The following MFAP3L variants were observed in gnomAD, a reference collection of about 807,000 sequenced individuals.
The protein encoded by MFAP3L is microfibril associated protein 3 like.
In MFAP3L, 5 loss-of-function variants were observed where a neutral mutation model predicts 20.0. The ratio of observed to expected loss-of-function variants is 0.25; its 90% CI spans 0.13 to 0.53. The LOEUF (loss-of-function observed/expected upper bound fraction) is 0.53, where lower values mean the gene tolerates loss of function less well. Ranked by LOEUF, MFAP3L falls within the 20% of genes least tolerant of loss-of-function variation. The pLI, the probability that MFAP3L is intolerant of heterozygous loss-of-function variation, is 0.96. For missense variants in MFAP3L, 409 were observed against 527.5 expected, an observed-to-expected ratio of 0.78 and a Z score of 2.20; for synonymous variants, 219 against 213.0, an observed-to-expected ratio of 1.03 and a Z score of -0.25.
chr4:169,996,785 G>A (rs922725861), intron 2 of MFAP3L, among the ~76,000 whole-genome samples: 9 of 152,140 alleles, frequency 5.9e-5, no homozygotes, highest in African/African-American at 2.2e-4. Flanking sequence ...AGCCCCGCCT[G>A]CTTCACGACC....
In MFAP3L at chr4:170,005,857, A is replaced by G. The variant is rs776214952; in HGVS notation, c.21T>C (p.His7=). 1.2e-6 allele frequency: 2 copies of G among 1,613,824 alleles called. No individual in the cohort carries two copies. Among genetic ancestry groups the G allele is most frequent in the Admixed American group, 1.7e-5 (1 of 60,018 alleles). The change falls in exon 2 of 3, where the codon CAT becomes CAC. Residue 7 remains histidine (H), a synonymous_variant. Coordinates refer to ENST00000361618, the MANE Select transcript of MFAP3L (RefSeq NM_021647.8). MDRLKS[H]LTVCFLPSVP... is the part of the protein sequence containing the mutation. ...CAGAAGGTAGAAAGCACACAGTCAG[A>G]TGGCTCTTCAATCGATCCATCTTCT...
chr4:169,991,486 T>C lies in MFAP3L; in HGVS notation c.1122A>G (p.Thr374=). ...TSTELTSEEP[T]PVEVPDKVLP... ...GTACCTTATCTGGTACCTCAACAGGTGTTGGCTCTTCAGATGTTAGCTCGG... is the reference window on the plus strand; with the variant it reads ...GTACCTTATCTGGTACCTCAACAGGCGTTGGCTCTTCAGATGTTAGCTCGG... The change falls in exon 3 of 3, where the codon ACA becomes ACG. Residue 374 remains threonine, a synonymous_variant. Transcript: ENST00000361618. This position sits in a 1 kb window ranked among gnomAD's most constrained non-coding sequence, Gnocchi z 4.9. 6.2e-7 allele frequency: 1 copy of C among 1,614,074 alleles called. No homozygotes were observed. The highest frequency in any genetic ancestry group is 8.5e-7 in the Non-Finnish European group (1 of 1,180,010).
intron 2 of MFAP3L, among the ~76,000 whole-genome samples, chr4:169,999,356 C>A (rs1738448224): frequency 6.6e-6 from 1 of 152,188 alleles, no homozygotes; most frequent in Admixed American, 6.5e-5. Context: ...TAGTTCTGTT[C>A]TACTTCAAGG....
chr4:170,007,158 G>C lies in MFAP3L; in HGVS notation c.-133-1148C>G, dbSNP rs191168524. Among the ~76,000 whole-genome samples, 159 of 152,126 alleles carry C rather than the reference G, an allele frequency of 1.0e-3. 1 individual carries two copies. Among genetic ancestry groups the C allele is most frequent in the Middle Eastern group, 0.01 (3 of 294 alleles). On this transcript the variant is annotated intron_variant, in intron 1 of 2. Coordinates refer to ENST00000361618, the MANE Select transcript of MFAP3L (RefSeq NM_021647.8). ...CTTCAGATCATATTTTTTTTCAGTAGGAAAGAAAAGAGTTTTGTTTTGCCA... is the reference window on the plus strand; with the variant it reads ...CTTCAGATCATATTTTTTTTCAGTACGAAAGAAAAGAGTTTTGTTTTGCCA...
At chr4:170,017,678 T>A (rs1298829406) in intron 1 of MFAP3L, among the ~76,000 whole-genome samples, 3 of 152,230 alleles carry the variant, frequency 2.0e-5, no homozygotes, top group Admixed American at 2.0e-4. Context: ...TTTTTCAGAA[T>A]TTTATTCCAT....
intron 2 of MFAP3L, chr4:170,002,328 A>G (rs568314447): frequency 3.6e-6 from 3 of 840,548 alleles, no homozygotes; most frequent in Non-Finnish European, 4.3e-6. Context: ...TCATCTGTAT[A>G]CATGAGGATT....
intron 1 of MFAP3L, among the ~76,000 whole-genome samples, chr4:170,014,002 T>A (rs959351950): frequency 6.6e-6 from 1 of 152,132 alleles, no homozygotes; most frequent in Admixed American, 6.6e-5. Flanking sequence ...GCCAGGCCAA[T>A]CCCTAAAACG....
At chr4:170,019,149 C>A (rs1422047017) in intron 1 of MFAP3L, among the ~76,000 whole-genome samples, 1 of 152,216 alleles carries the variant, frequency 6.6e-6, no homozygotes, top group African/African-American at 2.4e-5. Context: ...TACTTTCTTG[C>A]AGGGGCGTCT....
intron 1 of MFAP3L, among the ~76,000 whole-genome samples, chr4:170,010,787 C>T (rs1739326207): frequency 6.8e-6 from 1 of 147,062 alleles, no homozygotes; most frequent in Non-Finnish European, 1.5e-5. Context: ...AAAAATTATA[C>T]ACAGATTTCC....
In MFAP3L at chr4:170,026,220, G is replaced by A. The variant is rs1036691665; in HGVS notation, c.-134+14C>T. Reference sequence around the variant, plus strand: ...GTGCCCCTCCGCCCCGGCCCGCCGGGGGCCCCCGCTAACCTGACACCGCCG... The same window carrying A: ...GTGCCCCTCCGCCCCGGCCCGCCGGAGGCCCCCGCTAACCTGACACCGCCG... On this transcript the variant is annotated intron_variant, in intron 1 of 2. Transcript: ENST00000361618. 2.5e-4 allele frequency: 243 copies of A among 984,526 alleles called. 1 individual carries two copies. In the African/African-American group the frequency reaches 3.9e-3, roughly 16 times the overall value. The allele number at this position is 984,526 out of a possible 1,614,324, so 61.0% of individuals were successfully genotyped here.
At chr4:170,003,331 TCTA>T (rs1236213860) in intron 2 of MFAP3L, among the ~76,000 whole-genome samples, 1 of 152,102 alleles carries the variant, frequency 6.6e-6, no homozygotes, top group Non-Finnish European at 1.5e-5. Context: ...TAGCTTGGGG[TCTA>T]CTGACAGGCT....
At chr4:170,013,456 A>T (rs1362554140) in intron 1 of MFAP3L, among the ~76,000 whole-genome samples, 1 of 152,226 alleles carries the variant, frequency 6.6e-6, no homozygotes, top group East Asian at 1.9e-4. Context: ...AGGTCTACAC[A>T]TCTCTTCTCA....
chr4:170,024,293 T>C (rs1740215531), intron 1 of MFAP3L, among the ~76,000 whole-genome samples: 1 of 152,156 alleles, frequency 6.6e-6, no homozygotes, highest in Non-Finnish European at 1.5e-5. Flanking sequence ...GGATTTGTAC[T>C]TAGGATTTGT....
Position 170,026,280 on chromosome 4 carries a change from T to G in MFAP3L, c.-180A>C. 7 of 984,152 alleles carry G rather than the reference T, an allele frequency of 7.1e-6. No individual in the cohort carries two copies. The highest frequency in any genetic ancestry group is 8.4e-6 in the Non-Finnish European group (7 of 829,504). 61.0% of individuals were successfully genotyped at this position (984,152 alleles called of 1,614,324 possible). A position where few individuals can be genotyped will look rare whatever the true frequency, so the allele number is the denominator to read the frequency against. On this transcript the variant is annotated 5_prime_UTR_variant, in exon 1 of 3. It removes an upstream start codon present in the reference 5' UTR. Transcript: ENST00000361618. ...GGTGGCCGCCGTGCACCCCTCGCCA[T>G]GGCCAGCCCGACAGCGGCCGCTGCG... is the stretch of plus-strand genomic sequence containing the variant.
At chr4:170,008,422 C>G (rs1739177179) in intron 1 of MFAP3L, among the ~76,000 whole-genome samples, 1 of 152,138 alleles carries the variant, frequency 6.6e-6, no homozygotes, top group African/African-American at 2.4e-5. Flanking sequence ...TACTCTTTCA[C>G]TTCAGATTTT....
chr4:170,025,936 G>A (rs1037718566), intron 1 of MFAP3L, among the ~76,000 whole-genome samples: 1 of 152,154 alleles, frequency 6.6e-6, no homozygotes, highest in Admixed American at 6.5e-5. Flanking sequence ...GAGGCTCGCC[G>A]GCAGCTGGCA....
intron 2 of MFAP3L, among the ~76,000 whole-genome samples, chr4:169,998,922 G>T (rs986811878): frequency 1.1e-4 from 16 of 152,326 alleles, no homozygotes; most frequent in African/African-American, 3.8e-4. Flanking sequence ...CGAGGATTGC[G>T]TAGAATCGGC....
chr4:170,026,145 G>T, intron 1 of MFAP3L, 89 bp downstream of exon 1: 2 of 777,836 alleles, frequency 2.6e-6, no homozygotes, highest in Non-Finnish European at 3.1e-6. Context: ...AAGTTCGGCG[G>T]CCCCGGCGCC....
At chr4:170,015,062 G>A (rs555398707) in intron 1 of MFAP3L, among the ~76,000 whole-genome samples, 1 of 152,292 alleles carries the variant, frequency 6.6e-6, no homozygotes, top group East Asian at 1.9e-4. Flanking sequence ...ACAGCAAATG[G>A]ATAGGATCAG....
Sources: allele counts gnomAD v4.1 joint callset (sites outside exome capture counted in the v4.1 genomes callset), GRCh38; gene constraint gnomAD v4.1.1; non-coding constraint Gnocchi (gnomAD v3.1); transcripts MANE v1.5; gene names NCBI Gene and HGNC (gene_info 2026-07-23, HGNC 2026-07-21).